The following PCSK5 variants were observed in gnomAD, a reference collection of about 807,000 sequenced individuals.
PCSK5 encodes prohormone convertase 5.
In PCSK5, 129 loss-of-function variants were observed where a neutral mutation model predicts 233.2. The ratio of observed to expected loss-of-function variants is 0.55; its 90% CI spans 0.48 to 0.64. PCSK5 has a LOEUF of 0.64. PCSK5 is among the 30% of genes least tolerant of loss of function. The pLI, the probability that PCSK5 is intolerant of heterozygous loss-of-function variation, is 0.00. For synonymous variants in PCSK5, 825 were observed against 879.2 expected (o/e 0.94, Z 1.09); for missense variants, 2,076 against 2,430.1 (o/e 0.85, Z 3.06).
chr9:76,009,826 C>A (rs1827654067), intron 3 of PCSK5, among the ~76,000 whole-genome samples: 1 of 152,104 alleles, frequency 6.6e-6, no homozygotes, highest in African/African-American at 2.4e-5. Flanking sequence ...AATCATACTT[C>A]ATTATTACCT....
intron 35 of PCSK5, among the ~76,000 whole-genome samples, chr9:76,340,660 C>A (rs1337764000): frequency 2.7e-5 from 3 of 112,578 alleles, no homozygotes; most frequent in African/African-American, 6.4e-5. Context: ...AAAAAAAAAA[C>A]TTCAAATATT....
chr9:76,259,613 C>T (rs1161465694), intron 24 of PCSK5, among the ~76,000 whole-genome samples: 1 of 152,138 alleles, frequency 6.6e-6, no homozygotes, highest in African/African-American at 2.4e-5. Context: ...AACTTCCAGG[C>T]AGGCAGAGAC....
intron 1 of PCSK5, among the ~76,000 whole-genome samples, chr9:75,917,647 A>T (rs1823063761): frequency 6.6e-6 from 1 of 152,242 alleles, no homozygotes; most frequent in South Asian, 2.1e-4. Flanking sequence ...TGATAATTTA[A>T]TGCAAATAAA....
intron 24 of PCSK5, among the ~76,000 whole-genome samples, chr9:76,274,282 A>G (rs1827622685): frequency 6.6e-6 from 1 of 152,204 alleles, no homozygotes; most frequent in South Asian, 2.1e-4. Context: ...AGTTATATGT[A>G]GTTGTTTTAC....
At chr9:76,250,163 G>T (rs980311386) in intron 24 of PCSK5, among the ~76,000 whole-genome samples, 1 of 152,124 alleles carries the variant, frequency 6.6e-6, no homozygotes, top group African/African-American at 2.4e-5. Flanking sequence ...TTAGCTGGGC[G>T]TGGTGGTGCG....
At chr9:76,153,592 G>A (rs1257729389) in intron 10 of PCSK5, among the ~76,000 whole-genome samples, 2 of 152,170 alleles carry the variant, frequency 1.3e-5, no homozygotes, top group Admixed American at 6.5e-5. Flanking sequence ...TGGAATGGCC[G>A]TATCGTAACC....
At chr9:76,133,936 A>G (rs546114293) in intron 9 of PCSK5, among the ~76,000 whole-genome samples, 173 bp from the exon 10 acceptor site, 1 of 152,188 alleles carries the variant, frequency 6.6e-6, no homozygotes, top group African/African-American at 2.4e-5. Flanking sequence ...TCACTTCTCC[A>G]TGTTGAGAAC....
intron 33 of PCSK5, among the ~76,000 whole-genome samples, chr9:76,331,859 C>G (rs1488029129): frequency 6.6e-6 from 1 of 152,154 alleles, no homozygotes; most frequent in African/African-American, 2.4e-5. Context: ...CCTAGAGCCT[C>G]TAAAAGGAAC....
Position 76,181,446 on chromosome 9 carries a change from G to A in PCSK5, c.2052G>A (p.Lys684=). ...CTGGCCACTACCACGCCGACAAGAAGCGCTGCAGGAAGTGTGCCCCCAACT... is the reference window on the plus strand; with the variant it reads ...CTGGCCACTACCACGCCGACAAGAAACGCTGCAGGAAGTGTGCCCCCAACT... ...CPPGHYHADK[K]RCRKCAPNCE... The change falls in exon 16 of 38, where the codon AAG becomes AAA. Residue 684 remains lysine, a synonymous_variant. Coordinates refer to ENST00000674117, the MANE Select transcript of PCSK5 (RefSeq NM_001372043.1). The A allele has an allele frequency of 6.2e-7, 1 of 1,614,060 alleles. No homozygotes were observed. Among genetic ancestry groups the A allele is most frequent in the Non-Finnish European group, 8.5e-7 (1 of 1,179,964 alleles).
At chr9:75,970,658 G>A (rs1177085947) in intron 2 of PCSK5, among the ~76,000 whole-genome samples, 1 of 151,918 alleles carries the variant, frequency 6.6e-6, no homozygotes, top group Admixed American at 6.6e-5. Context: ...GTCTCACTCT[G>A]TTGCCCAGAC....
At chr9:75,981,328 A>G (rs1421328057) in intron 2 of PCSK5, among the ~76,000 whole-genome samples, 3 of 152,236 alleles carry the variant, frequency 2.0e-5, no homozygotes, top group Non-Finnish European at 4.4e-5. Context: ...CTCATTTTAC[A>G]GATAAAAGAG....
intron 37 of PCSK5, 96 bp downstream of exon 37, chr9:76,354,315 C>A: frequency 1.1e-6 from 1 of 929,098 alleles, no homozygotes; most frequent in Non-Finnish European, 1.6e-6. Context: ...TCAGGAGAAT[C>A]AATATGGCTA....
intron 2 of PCSK5, among the ~76,000 whole-genome samples, chr9:75,983,024 A>G (rs1425035454): frequency 6.6e-6 from 1 of 152,026 alleles, no homozygotes; most frequent in Non-Finnish European, 1.5e-5. Context: ...TTTATGAAGT[A>G]ATTTTTTTCC....
intron 2 of PCSK5, among the ~76,000 whole-genome samples, chr9:75,975,024 G>A (rs1825957568): frequency 6.6e-6 from 1 of 152,182 alleles, no homozygotes; most frequent in Non-Finnish European, 1.5e-5. Context: ...AATTCTGACA[G>A]TGAAGAGATT....
intron 2 of PCSK5, among the ~76,000 whole-genome samples, chr9:75,950,310 A>T (rs1428201500): frequency 6.6e-6 from 1 of 152,142 alleles, no homozygotes; most frequent in East Asian, 1.9e-4. Context: ...AGACAGGAAT[A>T]TATCAGGCAA....
intron 5 of PCSK5, among the ~76,000 whole-genome samples, chr9:76,034,164 T>C (rs533809272): frequency 3.3e-4 from 50 of 152,168 alleles, no homozygotes; most frequent in Middle Eastern, 6.8e-3. Context: ...CAGCCATCCC[T>C]TCCCCTTCAT....
At position 75,960,964 on chromosome 9, in the gene PCSK5, A is replaced by G. The variant is rs187576548; in HGVS notation, c.298-25168A>G. 4.8e-4 allele frequency among the ~76,000 whole-genome samples: 73 copies of G among 152,358 alleles called. 1 individual carries two copies. Among genetic ancestry groups the G allele is most frequent in the African/African-American group, 1.6e-3 (65 of 41,582 alleles). On this transcript the variant is annotated intron_variant, in intron 2 of 37. Transcript: ENST00000674117. The stretch of plus-strand genomic sequence containing the variant: ...ATGACTCTTCTATAAGGAAATTGAA[A>G]TGATGTCCACAATTAGTTAGAATGA...
At chr9:76,239,198 C>T (rs775441732) in intron 23 of PCSK5, 33 bp downstream of exon 23, 10 of 1,515,396 alleles carry the variant, frequency 6.6e-6, no homozygotes, top group South Asian at 4.8e-5. Context: ...GCCCAGCACC[C>T]GAACATGGGA....
chr9:75,980,397 C>T (rs1291924418), intron 2 of PCSK5, among the ~76,000 whole-genome samples: 2 of 152,118 alleles, frequency 1.3e-5, no homozygotes, highest in Non-Finnish European at 2.9e-5. Context: ...TTCACAACTT[C>T]CCTCTGAATG....
Sources: allele counts gnomAD v4.1 joint callset (sites outside exome capture counted in the v4.1 genomes callset), GRCh38; gene constraint gnomAD v4.1.1; transcripts MANE v1.5; gene names NCBI Gene and HGNC (gene_info 2026-07-23, HGNC 2026-07-21).